The following ZBTB8B variants were observed in gnomAD, a reference collection of about 807,000 sequenced individuals.
ZBTB8B encodes zinc finger and BTB domain-containing protein 8B.
In ZBTB8B, 17 loss-of-function variants were observed where a neutral mutation model predicts 30.3. The ratio of observed to expected loss-of-function variants is 0.56; its 90% CI spans 0.38 to 0.84. The LOEUF (loss-of-function observed/expected upper bound fraction) is 0.84. ZBTB8B is among the 40% of genes least tolerant of loss of function. The pLI is 0.00. For missense variants in ZBTB8B, 515 were observed against 644.9 expected, an observed-to-expected ratio of 0.80 and a Z score of 2.18; for synonymous variants, 248 against 255.6, an observed-to-expected ratio of 0.97 and a Z score of 0.28.
rs866135852 is a variant in ZBTB8B, at chr1:32,484,175, T to C, written c.1171-926T>C. On this transcript the variant is annotated intron_variant, in intron 3 of 3. Transcript: ENST00000609129. The surrounding 1 kb of genome is among the most constrained non-coding windows in gnomAD (Gnocchi z 4.5). ...GTAAGCTATTATCATGTCACTGCAC[T>C]CCAGCCTGGGTGACAGAGAAAGACC... Among the ~76,000 whole-genome samples the C allele has an allele frequency of 2.0e-5, 3 of 149,144 alleles. No individual in the cohort carries two copies. The highest frequency in any genetic ancestry group is 3.4e-3 in the Middle Eastern group (1 of 290).
chr1:32,466,962 G>C (rs1198587716), intron 1 of ZBTB8B, among the ~76,000 whole-genome samples: 1 of 152,084 alleles, frequency 6.6e-6, no homozygotes, highest in Non-Finnish European at 1.5e-5. Flanking sequence ...AGACCAGCCA[G>C]GGCAACATAG....
rs1348105476 is a variant in ZBTB8B at position 32,487,413 on chromosome 1, T to G, written c.*1995T>G. On this transcript the variant is annotated 3_prime_UTR_variant, in exon 4 of 4. Transcript: ENST00000609129. ...TGGCTTTGTCTTCTTGAGTGAGGTA[T>G]GGACCAGTTCAGTTCTGGTCAGCTA... 2 of 152,300 alleles carry G rather than the reference T, an allele frequency of 1.3e-5. No individual in the cohort carries two copies. The highest frequency in any genetic ancestry group is 2.9e-5 in the Non-Finnish European group (2 of 68,080). The allele number at this position is 152,300 out of a possible 1,614,324, so 9.4% of individuals were successfully genotyped here. A position where few individuals can be genotyped will look rare whatever the true frequency, so the allele number is the denominator to read the frequency against.
Position 32,470,598 on chromosome 1 carries a change from TC to T in ZBTB8B, c.-26del. 1 of 1,534,596 alleles carries T rather than the reference TC, an allele frequency of 6.5e-7. No homozygotes were observed. Among genetic ancestry groups the T allele is most frequent in the Non-Finnish European group, 8.8e-7 (1 of 1,136,054 alleles). On this transcript the variant is annotated 5_prime_UTR_variant, in exon 2 of 4. Coordinates refer to ENST00000609129, the MANE Select transcript of ZBTB8B (RefSeq NM_001145720.2). Reference sequence around the variant, plus strand: ...AATCTTGGCAGAGATACAGGTTTGCTCTGGAGCAGCAGCAGCTGGCGGAGCA... The same window carrying T: ...AATCTTGGCAGAGATACAGGTTTGCTTGGAGCAGCAGCAGCTGGCGGAGCA...
chr1:32,492,970 G>C lies in ZBTB8B; in HGVS notation c.*7552G>C, dbSNP rs1643789667. 6.6e-6 allele frequency: 1 copy of C among 152,042 alleles called. No homozygotes were observed. The highest frequency in any genetic ancestry group is 2.4e-5 in the African/African-American group (1 of 41,374). The allele number at this position is 152,042 out of a possible 1,614,324, so 9.4% of individuals were successfully genotyped here. ...CCTATCCAGTAAACTTCCAGCTTTGGCATACTATATTTATAAGCAGTTTAA... is the reference window on the plus strand; with the variant it reads ...CCTATCCAGTAAACTTCCAGCTTTGCCATACTATATTTATAAGCAGTTTAA... On this transcript the variant is annotated 3_prime_UTR_variant, in exon 4 of 4. Coordinates refer to ENST00000609129, the MANE Select transcript of ZBTB8B (RefSeq NM_001145720.2).
rs1261276636 is a variant in ZBTB8B at position 32,471,089 on chromosome 1, G to C, written c.465G>C (p.Gln155His). The C allele has an allele frequency of 6.4e-7, 1 of 1,551,040 alleles. No individual in the cohort carries two copies. The highest frequency in any genetic ancestry group is 1.4e-5 in the African/African-American group (1 of 73,042). Residue 155 changes from glutamine to histidine, a missense_variant, in exon 2 of 4, where the codon CAG (glutamine) becomes CAC (histidine). Gln to His is a conservative substitution (Grantham distance 24). Transcript: ENST00000609129. Reference protein sequence around the residue: ...AAAAAAAAAHQVDSESPSSGR... With the variant: ...AAAAAAAAAHHVDSESPSSGR... ...CGGCGGCAGCAGCGGCGGCTCATCA[G>C]GTTGACAGTGAAAGCCCCAGTTCAG...
rs1463062556 is a variant in ZBTB8B, at chr1:32,471,260, C to T, written c.636C>T (p.Gly212=). Residue 212 remains glycine, a synonymous_variant, in exon 2 of 4, where the codon GGC becomes GGT. Transcript: ENST00000609129. ...AACTGGTGGTGAGAGACAGCCTTGGCGGTGGCTCGGCTGACAGCAACCTCT... is the reference window on the plus strand; with the variant it reads ...AACTGGTGGTGAGAGACAGCCTTGGTGGTGGCTCGGCTGACAGCAACCTCT... ...PLELVVRDSL[G]GGSADSNLST... 1.7e-5 allele frequency: 26 copies of T among 1,551,706 alleles called. No homozygotes were observed. The highest frequency in any genetic ancestry group is 4.8e-5 in the South Asian group (4 of 84,070).
intron 2 of ZBTB8B, among the ~76,000 whole-genome samples, chr1:32,473,018 G>T (rs529068378): frequency 2.6e-5 from 4 of 152,298 alleles, no homozygotes; most frequent in African/African-American, 9.6e-5. Context: ...TTGTTTCTTT[G>T]AACAGTTATG....
At chr1:32,471,779 A>G (rs184350340) in intron 2 of ZBTB8B, among the ~76,000 whole-genome samples, 164 bp downstream of exon 2, 12 of 152,230 alleles carry the variant, frequency 7.9e-5, no homozygotes, top group Admixed American at 7.2e-4. Flanking sequence ...CATCACCAGT[A>G]TCGTCATCAT....
At position 32,487,277 on chromosome 1, in the gene ZBTB8B, A is replaced by C. The variant is rs1358233706; in HGVS notation, c.*1859A>C. On this transcript the variant is annotated 3_prime_UTR_variant, in exon 4 of 4. Transcript: ENST00000609129. ...CAGTGCAACTCAAACTCTGGCCCAC[A>C]GAGAGGCCCTGTTCTGTAAACTGTT... is the stretch of plus-strand genomic sequence containing the variant. The C allele has an allele frequency of 6.6e-6, 1 of 152,258 alleles. No homozygotes were observed. The highest frequency in any genetic ancestry group is 1.5e-5 in the Non-Finnish European group (1 of 68,042). 9.4% of individuals were successfully genotyped at this position (152,258 alleles called of 1,614,324 possible).
In ZBTB8B at chr1:32,485,356, G is replaced by C. The variant is rs1643737726; in HGVS notation, c.1426G>C (p.Asp476His). ...GGGTGAGGAAAATGACCCTGCTGGAGATGATTCTGATGACAAACCACAAAT... is the reference window on the plus strand; with the variant it reads ...GGGTGAGGAAAATGACCCTGCTGGACATGATTCTGATGACAAACCACAAAT... Reference protein sequence around the residue: ...ESGEENDPAGDDSDDKPQIQP... With the variant: ...ESGEENDPAGHDSDDKPQIQP... Residue 476 changes from aspartate to histidine, a missense_variant, in exon 4 of 4, where the codon GAT becomes CAT. Around this residue, in one of 3 missense-constraint regions of ZBTB8B, gnomAD observed 429 missense variants for 504.3 expected, o/e 0.85. Coordinates refer to ENST00000609129, the MANE Select transcript of ZBTB8B (RefSeq NM_001145720.2). The C allele has an allele frequency of 6.4e-7, 1 of 1,552,110 alleles. No homozygotes were observed. Among genetic ancestry groups the C allele is most frequent in the Non-Finnish European group, 8.7e-7 (1 of 1,147,122 alleles).
chr1:32,467,189 A>G (rs1643577702), intron 1 of ZBTB8B, among the ~76,000 whole-genome samples: 1 of 152,138 alleles, frequency 6.6e-6, no homozygotes, highest in Non-Finnish European at 1.5e-5. Context: ...GCACATAGTA[A>G]AACATTCTAT....
At chr1:32,479,322 G>A (rs1452428290) in intron 2 of ZBTB8B, among the ~76,000 whole-genome samples, 1 of 152,142 alleles carries the variant, frequency 6.6e-6, no homozygotes, top group African/African-American at 2.4e-5. Flanking sequence ...GTCAGGAGTT[G>A]AGACCTGCCT....
In ZBTB8B at chr1:32,470,861, C is replaced by G; in HGVS notation, c.237C>G (p.Ile79Met). Residue 79 changes from isoleucine to methionine, a missense_variant, in exon 2 of 4, where the codon ATC becomes ATG. Physicochemically the swap from Ile to Met is conservative, Grantham distance 10 (BLOSUM62 1). Transcript: ENST00000609129. ...TCACCTCTGATGCCTTCTCCATCATCTTAGATTTCCTCTATTCTGGGAAGT... is the reference window on the plus strand; with the variant it reads ...TCACCTCTGATGCCTTCTCCATCATGTTAGATTTCCTCTATTCTGGGAAGT... ...DIVTSDAFSI[I>M]LDFLYSGKLD... The G allele has an allele frequency of 1.3e-6, 2 of 1,551,958 alleles. No homozygotes were observed. Among genetic ancestry groups the G allele is most frequent in the Non-Finnish European group, 1.7e-6 (2 of 1,147,040 alleles).
At chr1:32,470,270 G>C (rs978005493) in intron 1 of ZBTB8B, among the ~76,000 whole-genome samples, 1 of 151,794 alleles carries the variant, frequency 6.6e-6, no homozygotes, top group African/African-American at 2.4e-5. Flanking sequence ...GGAGGCCGAG[G>C]CGGGCGGATC....
At position 32,491,577 on chromosome 1, in the gene ZBTB8B, A is replaced by C. The variant is rs1175126285; in HGVS notation, c.*6159A>C. 6.6e-6 allele frequency: 1 copy of C among 152,208 alleles called. No individual in the cohort carries two copies. The highest frequency in any genetic ancestry group is 1.5e-5 in the Non-Finnish European group (1 of 68,048). 9.4% of individuals were successfully genotyped at this position (152,208 alleles called of 1,614,324 possible). On this transcript the variant is annotated 3_prime_UTR_variant, in exon 4 of 4. Transcript: ENST00000609129. ...CAAGGAGACAGATCTACATGGGGCA[A>C]GTATGGAAGCTTCCCCGGCTTAAGA...
chr1:32,470,515 A>AAAG, intron 1 of ZBTB8B, 69 bp from the exon 2 acceptor site: 4 of 1,111,964 alleles, frequency 3.6e-6, no homozygotes, highest in South Asian at 1.8e-5. Context: ...AAAAAAAAAA[A>AAAG]AAAAAAAAAA....
At chr1:32,469,134 T>C (rs1431320231) in intron 1 of ZBTB8B, among the ~76,000 whole-genome samples, 1 of 151,726 alleles carries the variant, frequency 6.6e-6, no homozygotes, top group Non-Finnish European at 1.5e-5. Flanking sequence ...AGTTTGAAGG[T>C]GTAGTGAGCT....
rs904773075 is a variant in ZBTB8B at position 32,485,388 on chromosome 1, T to C, written c.1458T>C (p.Pro486=). The change falls in exon 4 of 4, where the codon CCT becomes CCC. Residue 486 remains proline, a synonymous_variant. Coordinates refer to ENST00000609129, the MANE Select transcript of ZBTB8B (RefSeq NM_001145720.2). ...DDSDDKPQIQ[P]NLSDRETLT is the part of the protein sequence containing the mutation. ...CTGATGACAAACCACAAATTCAGCC[T>C]AACTTATCAGACCGAGAGACACTTA... is the stretch of plus-strand genomic sequence containing the variant. The C allele has an allele frequency of 6.4e-7, 1 of 1,551,798 alleles. No individual in the cohort carries two copies. The highest frequency in any genetic ancestry group is 1.4e-5 in the African/African-American group (1 of 73,022).
intron 3 of ZBTB8B, among the ~76,000 whole-genome samples, chr1:32,482,094 C>G (rs774263103): frequency 6.6e-6 from 1 of 152,094 alleles, no homozygotes; most frequent in African/African-American, 2.4e-5. Flanking sequence ...CTCACCTGAG[C>G]CCCTACGCAG....
Sources: allele counts gnomAD v4.1 joint callset (sites outside exome capture counted in the v4.1 genomes callset), GRCh38; gene constraint gnomAD v4.1.1; regional missense constraint gnomAD v4.1.1; non-coding constraint Gnocchi (gnomAD v3.1); transcripts MANE v1.5; gene names NCBI Gene and HGNC (gene_info 2026-07-23, HGNC 2026-07-21).